The following PRELID2 variants were observed in gnomAD, a reference collection of about 807,000 sequenced individuals.
PRELID2 encodes PRELI domain-containing protein 2.
Under a neutral mutation model 28.4 loss-of-function variants are expected in PRELID2, and 25 were observed. The observed-to-expected ratio is 0.88, with a 90% CI of 0.64 to 1.23. PRELID2 has a LOEUF of 1.23. Ranked by LOEUF, PRELID2 falls within the 50% of genes most tolerant of loss-of-function variation. The pLI, the probability that PRELID2 is intolerant of heterozygous loss-of-function variation, is 0.00. For synonymous variants in PRELID2, 76 were observed against 71.6 expected (o/e 1.06, Z -0.31); for missense variants, 201 against 214.4 (o/e 0.94, Z 0.39).
chr5:145,520,255 G>T (rs771444014), intron 1 of PRELID2, among the ~76,000 whole-genome samples: 3 of 152,174 alleles, frequency 2.0e-5, no homozygotes, highest in Non-Finnish European at 4.4e-5. Flanking sequence ...TGTCTAAAGT[G>T]ACTTCAATAG....
the PRELID2 span, among the ~76,000 whole-genome samples, chr5:145,416,335 A>G: frequency 6.6e-6 from 1 of 152,054 alleles, no homozygotes; most frequent in African/African-American, 2.4e-5. Flanking sequence ...CCTAGGCATT[A>G]CCATTCAGGA....
At chr5:145,400,818 C>A in the PRELID2 span, among the ~76,000 whole-genome samples, 1 of 152,124 alleles carries the variant, frequency 6.6e-6, no homozygotes, top group Non-Finnish European at 1.5e-5. Flanking sequence ...TCAACCATGA[C>A]CTGGGACAGA....
the PRELID2 span, among the ~76,000 whole-genome samples, chr5:145,293,463 G>T: frequency 1.0e-3 from 155 of 152,130 alleles, no homozygotes; most frequent in African/African-American, 3.5e-3. Context: ...CTTTTTATGG[G>T]TGAGAGGTAA....
At chr5:145,420,217 CT>C in the PRELID2 span, among the ~76,000 whole-genome samples, 1 of 152,070 alleles carries the variant, frequency 6.6e-6, no homozygotes, top group Non-Finnish European at 1.5e-5. Context: ...GATGCGGGCT[CT>C]TTTTTTAGTT....
chr5:145,681,208 C>T (rs959485887), intron 1 of PRELID2, among the ~76,000 whole-genome samples: 1 of 152,150 alleles, frequency 6.6e-6, no homozygotes, highest in Admixed American at 6.5e-5. Flanking sequence ...CAGGGAGGCA[C>T]GAGCGAAAAT....
intron 4 of PRELID2, among the ~76,000 whole-genome samples, chr5:145,811,159 C>T (rs1266965498): frequency 1.4e-5 from 2 of 142,698 alleles, no homozygotes; most frequent in Non-Finnish European, 3.0e-5. Context: ...CATCAGATCT[C>T]GTGAAACTTA....
intron 1 of PRELID2, among the ~76,000 whole-genome samples, chr5:145,719,529 A>G (rs937780805): frequency 5.9e-5 from 9 of 151,924 alleles, no homozygotes; most frequent in African/African-American, 2.2e-4. Context: ...GGGAATACAT[A>G]CATATGTGCA....
intron 5 of PRELID2, among the ~76,000 whole-genome samples, chr5:145,778,532 C>G (rs893749518): frequency 6.6e-6 from 1 of 152,202 alleles, no homozygotes; most frequent in Non-Finnish European, 1.5e-5. Flanking sequence ...ACTCAGTACC[C>G]GCCAAGCTGA....
intron 1 of PRELID2, among the ~76,000 whole-genome samples, chr5:145,528,653 G>A (rs1261642581): frequency 6.7e-6 from 1 of 149,560 alleles, no homozygotes; most frequent in Non-Finnish European, 1.5e-5. Context: ...CAATCAAAAT[G>A]CCATTCTGCT....
chr5:145,438,377 A>G, the PRELID2 span, among the ~76,000 whole-genome samples: 1 of 152,152 alleles, frequency 6.6e-6, no homozygotes. Flanking sequence ...GTTATAAACA[A>G]CATGACAAAT....
the PRELID2 span, among the ~76,000 whole-genome samples, chr5:145,263,196 T>C: frequency 6.6e-6 from 1 of 152,042 alleles, no homozygotes; most frequent in Non-Finnish European, 1.5e-5. Flanking sequence ...AACAATTACT[T>C]CCAGACCTAA....
chr5:145,467,922 A>T (rs984975100), downstream of PRELID2, among the ~76,000 whole-genome samples: 9 of 147,194 alleles, frequency 6.1e-5, no homozygotes, highest in South Asian at 2.1e-4. Context: ...TTATATATAT[A>T]TTTTTTTATT....
rs145552676 is a variant in PRELID2, at chr5:145,565,598, G to A, written n.71-92283C>T. On this transcript the variant is annotated intron_variant and non_coding_transcript_variant, in intron 1 of 2. Coordinates refer to the PRELID2 transcript ENST00000510259. ...CAGACATGTCAACTCTACAGCTCATGCTCACCTTGTTATGATCCTTTTGGT... is the reference window on the plus strand; with the variant it reads ...CAGACATGTCAACTCTACAGCTCATACTCACCTTGTTATGATCCTTTTGGT... Among the ~76,000 whole-genome samples, 9 of 152,318 alleles carry A rather than the reference G, an allele frequency of 5.9e-5. No homozygotes were observed. The East Asian group carries it at 1.7e-3, about 29-fold the overall frequency.
At chr5:145,370,847 T>C in the PRELID2 span, among the ~76,000 whole-genome samples, 18 of 152,012 alleles carry the variant, frequency 1.2e-4, no homozygotes, top group African/African-American at 3.6e-4. Flanking sequence ...CTGTTAGCTG[T>C]ATTCCTAGGT....
In PRELID2 at chr5:145,570,715, T is replaced by C. The variant is rs150399658; in HGVS notation, n.71-97400A>G. ...CTATCACTATCTGTTTCATGCACTC[T>C]TACAACAGCTTCCTAACTGGCCATG... On this transcript the variant is annotated intron_variant and non_coding_transcript_variant, in intron 1 of 2. Coordinates refer to the PRELID2 transcript ENST00000510259. Among the ~76,000 whole-genome samples the C allele has an allele frequency of 2.1e-3, 314 of 152,318 alleles. 2 individuals carry two copies. The highest frequency in any genetic ancestry group is 7.3e-3 in the African/African-American group (303 of 41,568).
At chr5:145,232,297 G>A in the PRELID2 span, among the ~76,000 whole-genome samples, 2 of 152,262 alleles carry the variant, frequency 1.3e-5, no homozygotes, top group Middle Eastern at 3.4e-3. Context: ...ACACTGAGAG[G>A]TGAATAATAT....
the PRELID2 span, among the ~76,000 whole-genome samples, chr5:145,388,063 C>T: frequency 1.6e-3 from 236 of 151,734 alleles, 1 homozygote; most frequent in African/African-American, 5.6e-3. Flanking sequence ...TAGTAAAAAT[C>T]AGAAAAGAAC....
intron 1 of PRELID2, among the ~76,000 whole-genome samples, chr5:145,478,226 A>C (rs1365023616): frequency 6.6e-6 from 1 of 152,148 alleles, no homozygotes; most frequent in Non-Finnish European, 1.5e-5. Context: ...CGTGAAAAAC[A>C]CACAGAACTT....
chr5:145,656,473 T>C (rs779525935), intron 1 of PRELID2, among the ~76,000 whole-genome samples: 23 of 152,092 alleles, frequency 1.5e-4, no homozygotes, highest in African/African-American at 3.6e-4. Flanking sequence ...TGCGGCACTA[T>C]TCACAGTAGC....
Sources: gnomAD v4.1 joint callset for allele counts (sites outside exome capture counted in the v4.1 genomes callset) on GRCh38, gnomAD v4.1.1 for gene constraint, MANE v1.5 for transcripts, NCBI Gene and HGNC (gene_info 2026-07-23, HGNC 2026-07-21) for gene names.